DDX19B: variants seen among roughly 807,000 people sequenced by gnomAD.
The protein encoded by DDX19B is ATP-dependent RNA helicase DDX19B.
Under a neutral mutation model 58.1 loss-of-function variants are expected in DDX19B, and 27 were observed. The observed-to-expected ratio is 0.46, with a 90% CI of 0.34 to 0.64. The LOEUF (loss-of-function observed/expected upper bound fraction) is 0.64, where lower values mean the gene tolerates loss of function less well. DDX19B is among the 30% of genes least tolerant of loss of function. DDX19B has a pLI of 0.01. For missense variants in DDX19B, 399 were observed against 596.5 expected, an observed-to-expected ratio of 0.67 and a Z score of 3.45; for synonymous variants, 187 against 214.4, an observed-to-expected ratio of 0.87 and a Z score of 1.12.
At chr16:70,305,344 T>C (rs1429376865) in intron 1 of DDX19B, among the ~76,000 whole-genome samples, 1 of 152,202 alleles carries the variant, frequency 6.6e-6, no homozygotes, top group Non-Finnish European at 1.5e-5. Context: ...TCTGTTTTCA[T>C]TATGGCATCC....
chr16:70,323,993 T>C (rs888934147), intron 5 of DDX19B, among the ~76,000 whole-genome samples: 4 of 152,144 alleles, frequency 2.6e-5, no homozygotes, highest in South Asian at 4.1e-4. Context: ...GACAAGAGCA[T>C]GACTGGCATG....
upstream of DDX19B, among the ~76,000 whole-genome samples, chr16:70,292,410 G>A (rs2152177108): frequency 6.6e-6 from 1 of 152,260 alleles, no homozygotes; most frequent in Non-Finnish European, 1.5e-5. Context: ...GCCTCCCAAA[G>A]TGTTGGGATT....
In DDX19B at chr16:70,334,438, A is replaced by C. The variant is rs978474597; in HGVS notation, c.*856A>C. 1 of 152,010 alleles carries C rather than the reference A, an allele frequency of 6.6e-6. No homozygotes were observed. The highest frequency in any genetic ancestry group is 1.5e-5 in the Non-Finnish European group (1 of 68,018). 9.4% of individuals were successfully genotyped at this position (152,010 alleles called of 1,614,324 possible). On this transcript the variant is annotated 3_prime_UTR_variant, in exon 12 of 12. Coordinates refer to ENST00000288071, the MANE Select transcript of DDX19B (RefSeq NM_007242.7). ...CCTTACCCCACAGTAGCCCCAAACA[A>C]ATGTGATCTGAGGTTTAGATCCTCA...
In DDX19B at chr16:70,317,582, C is replaced by G. The variant is rs1190874856; in HGVS notation, c.383C>G (p.Ala128Gly). The G allele has an allele frequency of 1.9e-6, 3 of 1,611,540 alleles. No individual in the cohort carries two copies. The highest frequency in any genetic ancestry group is 2.5e-6 in the Non-Finnish European group (3 of 1,178,264). The change falls in exon 5 of 12, where the codon GCT becomes GGT. Residue 128 changes from alanine to glycine, a missense_variant. Physicochemically the swap from Ala to Gly is moderately conservative, Grantham distance 60 (BLOSUM62 0). Around this residue, in one of 4 missense-constraint regions of DDX19B, gnomAD observed 132 missense variants for 159.4 expected, o/e 0.83. Coordinates refer to ENST00000288071, the MANE Select transcript of DDX19B (RefSeq NM_007242.7). ...GAGAACGCATTGCCACTGATGCTTG[C>G]TGAGCCGTATGTGTCCTATTACAAC... ...IQENALPLML[A>G]EPPQNLIAQS...
intron 9 of DDX19B, among the ~76,000 whole-genome samples, chr16:70,331,287 A>G (rs910371596): frequency 2.6e-5 from 4 of 151,990 alleles, no homozygotes; most frequent in Admixed American, 6.6e-5. Context: ...GCCTCAAGCA[A>G]TCTTCCAGCC....
chr16:70,320,953 C>G (rs544271351), intron 5 of DDX19B, among the ~76,000 whole-genome samples: 54 of 147,698 alleles, frequency 3.7e-4, no homozygotes, highest in African/African-American at 1.3e-3. Flanking sequence ...TGAGGCACCA[C>G]ACTAGGCTTT....
At chr16:70,290,076 T>G (rs1961019727), upstream of DDX19B, 8 of 283,526 alleles carry the variant, frequency 2.8e-5, no homozygotes, top group South Asian at 2.3e-4. Flanking sequence ...TTTATAGGCC[T>G]GGGGGAGGAG....
At chr16:70,305,826 T>A (rs1961719671) in intron 1 of DDX19B, among the ~76,000 whole-genome samples, 1 of 151,506 alleles carries the variant, frequency 6.6e-6, no homozygotes, top group African/African-American at 2.4e-5. Context: ...AGTGGCGCAA[T>A]CTCGGCTCAC....
At chr16:70,294,929 C>T (rs1012813322), upstream of DDX19B, 3 of 1,516,074 alleles carry the variant, frequency 2.0e-6, no homozygotes, top group East Asian at 2.5e-5. Flanking sequence ...TGAGTATCTG[C>T]GAGGGTAGAA....
chr16:70,304,091 G>A (rs1961617530), intron 1 of DDX19B, among the ~76,000 whole-genome samples: 1 of 151,674 alleles, frequency 6.6e-6, no homozygotes, highest in East Asian at 1.9e-4. Flanking sequence ...CCAGGCTGGA[G>A]TGCAGTGGCG....
rs1302626565 is a variant in DDX19B, at chr16:70,331,836, C to T, written c.1138C>T (p.Arg380Ter). The T allele has an allele frequency of 2.5e-6, 4 of 1,614,032 alleles. No individual in the cohort carries two copies. The highest frequency in any genetic ancestry group is 3.4e-6 in the Non-Finnish European group (4 of 1,179,952). The change falls in exon 10 of 12, where the codon CGA (arginine) becomes TGA (stop). Residue 380 changes from arginine to a stop codon, truncating the protein, a stop_gained. Transcript: ENST00000288071. LOFTEE classifies it high-confidence loss of function. ...GAGGGCTGCAGTGATTGAGCGCTTC[C>T]GAGAGGGCAAAGAGAAGGTTTTGGT... Reference protein sequence around the residue: ...EQRAAVIERFREGKEKVLVTT... With the variant: ...EQRAAVIERF
At chr16:70,314,665 AAAAT>A (rs1378683062) in intron 2 of DDX19B, 22 of 199,614 alleles carry the variant, frequency 1.1e-4, no homozygotes, top group African/African-American at 4.8e-4. Flanking sequence ...CTCCATCTCA[AAAAT>A]AAATAAATAA....
chr16:70,318,899 T>C lies in DDX19B; in HGVS notation c.389+1311T>C, dbSNP rs557660172. 3.0e-4 allele frequency among the ~76,000 whole-genome samples: 46 copies of C among 151,168 alleles called. 1 individual carries two copies. The East Asian group carries it at 8.0e-3, about 26-fold the overall frequency. ...CCAGGTGGATCACAAGCTCCGGAGA[T>C]CGAGACCATCCTGGCTAACACGGTG... On this transcript the variant is annotated intron_variant, in intron 5 of 11. Coordinates refer to ENST00000288071, the MANE Select transcript of DDX19B (RefSeq NM_007242.7).
At position 70,329,925 on chromosome 16, in the gene DDX19B, G is replaced by A. The variant is rs367757760; in HGVS notation, c.880G>A (p.Val294Ile). Residue 294 changes from valine to isoleucine, a missense_variant, in exon 9 of 12, where the codon GTT becomes ATT. This residue lies in a region of DDX19B where 198 missense variants were observed against 345.9 expected (regional missense o/e 0.57). Coordinates refer to ENST00000288071, the MANE Select transcript of DDX19B (RefSeq NM_007242.7). ...FAQKVVPDPNVIKLKREEETL... is the reference protein window; with the variant it reads ...FAQKVVPDPNIIKLKREEETL... Reference sequence around the variant, plus strand: ...CCAGAAAGTGGTCCCAGACCCAAACGTTATCAAACTGAAGCGTGAGGAAGA... The same window carrying A: ...CCAGAAAGTGGTCCCAGACCCAAACATTATCAAACTGAAGCGTGAGGAAGA... 28 of 1,614,210 alleles carry A rather than the reference G, an allele frequency of 1.7e-5. No homozygotes were observed. The highest frequency in any genetic ancestry group is 5.0e-5 in the Admixed American group (3 of 60,006).
At chr16:70,295,402 T>A (rs1961182248), upstream of DDX19B, among the ~76,000 whole-genome samples, 1 of 151,754 alleles carries the variant, frequency 6.6e-6, no homozygotes, top group African/African-American at 2.4e-5. Flanking sequence ...GCCTCAGGAG[T>A]AGCTGGGACT....
chr16:70,314,437 C>A (rs1008707368), intron 2 of DDX19B, among the ~76,000 whole-genome samples: 1 of 151,902 alleles, frequency 6.6e-6, no homozygotes, highest in South Asian at 2.1e-4. Flanking sequence ...CCAAGGCAGG[C>A]GGATCACGAG....
At chr16:70,312,027 A>G (rs922232433) in intron 1 of DDX19B, among the ~76,000 whole-genome samples, 7 of 151,960 alleles carry the variant, frequency 4.6e-5, no homozygotes, top group African/African-American at 1.5e-4. Flanking sequence ...TTTTTGGTAG[A>G]GACGGGGTTT....
Position 70,312,626 on chromosome 16 carries a change from T to G in DDX19B, c.75T>G (p.Leu25=). The G allele has an allele frequency of 6.2e-7, 1 of 1,613,232 alleles. No homozygotes were observed. Among genetic ancestry groups the G allele is most frequent in the Non-Finnish European group, 8.5e-7 (1 of 1,179,500 alleles). ...CCATTTAGTTGAGCAACTTGCATCT[T>G]AAGGAAGAGAAAATCAAACCAGATA... is the stretch of plus-strand genomic sequence containing the variant. ...AAAESLSNLH[L]KEEKIKPDTN... Residue 25 remains leucine (L), a synonymous_variant, in exon 2 of 12, where the codon CTT becomes CTG. Transcript: ENST00000288071.
upstream of DDX19B, among the ~76,000 whole-genome samples, chr16:70,297,807 A>T (rs956659580): frequency 1.3e-5 from 2 of 152,082 alleles, no homozygotes; most frequent in Non-Finnish European, 2.9e-5. Flanking sequence ...TGCAGCCTCA[A>T]CCTCCTGGGC....
Sources: allele counts gnomAD v4.1 joint callset (sites outside exome capture counted in the v4.1 genomes callset), GRCh38; gene constraint gnomAD v4.1.1; regional missense constraint gnomAD v4.1.1; transcripts MANE v1.5; gene names NCBI Gene and HGNC (gene_info 2026-07-23, HGNC 2026-07-21).